Variants in TANC2 observed in about 807,000 individuals in gnomAD.
The protein encoded by TANC2 is tetratricopeptide repeat, ankyrin repeat and coiled-coil containing 2, also known as protein TANC2.
In TANC2, 26 loss-of-function variants were observed where a neutral mutation model predicts 210.5. The ratio of observed to expected loss-of-function variants is 0.12; its 90% CI spans 0.09 to 0.17. The LOEUF is 0.17. TANC2 is among the 10% of genes least tolerant of loss of function. The pLI is 1.00. For missense variants in TANC2, 2,129 were observed against 2,608.9 expected (o/e 0.82, Z 4.01); for synonymous variants, 931 against 967.1 (o/e 0.96, Z 0.69).
chr17:63,189,050 T>C (rs2041098023), intron 5 of TANC2, among the ~76,000 whole-genome samples: 3 of 152,250 alleles, frequency 2.0e-5, no homozygotes, highest in Admixed American at 2.0e-4. Flanking sequence ...CTTTTGTGTC[T>C]GATTTTCTTA....
chr17:63,175,869 A>T (rs2040562639), intron 5 of TANC2, among the ~76,000 whole-genome samples: 1 of 152,234 alleles, frequency 6.6e-6, no homozygotes, highest in African/African-American at 2.4e-5. Context: ...TTATTATGAC[A>T]ACTGAAGTTT....
chr17:63,202,634 T>C (rs2041572635), intron 7 of TANC2, among the ~76,000 whole-genome samples: 1 of 152,164 alleles, frequency 6.6e-6, no homozygotes, highest in Admixed American at 6.5e-5. Flanking sequence ...CTTATATTTA[T>C]ACATAGGTAG....
intron 5 of TANC2, chr17:63,152,345 CAT>C (rs2039681400): frequency 6.6e-6 from 1 of 151,988 alleles, no homozygotes; most frequent in Non-Finnish European, 1.5e-5. Flanking sequence ...CCAGATAGGA[CAT>C]AGTAAAACAA....
At chr17:63,022,861 C>T (rs1232442449) in intron 2 of TANC2, among the ~76,000 whole-genome samples, 6 of 152,192 alleles carry the variant, frequency 3.9e-5, no homozygotes, top group Admixed American at 6.5e-5. Flanking sequence ...CCAAAAGGTA[C>T]ATGCCATAGA....
intron 5 of TANC2, among the ~76,000 whole-genome samples, chr17:63,180,030 A>T (rs965935023): frequency 1.3e-5 from 2 of 150,572 alleles, no homozygotes; most frequent in African/African-American, 4.9e-5. Flanking sequence ...GGTACCAGCT[A>T]CTCAAGAGGC....
chr17:63,070,218 T>A (rs1224172953), intron 2 of TANC2, among the ~76,000 whole-genome samples: 2 of 152,142 alleles, frequency 1.3e-5, no homozygotes, highest in Non-Finnish European at 2.9e-5. Flanking sequence ...AACCATAAAC[T>A]TAAGGGGAAA....
intron 2 of TANC2, among the ~76,000 whole-genome samples, chr17:63,038,975 G>GT (rs769467888): frequency 1.3e-5 from 2 of 152,030 alleles, no homozygotes; most frequent in African/African-American, 2.4e-5. Flanking sequence ...TCTGTTTCTT[G>GT]TTTTATCTGT....
At chr17:63,164,495 G>A (rs559595310) in intron 5 of TANC2, among the ~76,000 whole-genome samples, 3 of 152,282 alleles carry the variant, frequency 2.0e-5, no homozygotes, top group African/African-American at 7.2e-5. Flanking sequence ...GAATGTATTA[G>A]TCAGGGTTCT....
intron 5 of TANC2, among the ~76,000 whole-genome samples, chr17:63,187,430 T>A (rs1020626395): frequency 6.6e-6 from 1 of 152,220 alleles, no homozygotes; most frequent in African/African-American, 2.4e-5. Context: ...TTAACTAGAC[T>A]ACAGACCTTA....
At chr17:63,066,378 G>A (rs778054777) in intron 2 of TANC2, among the ~76,000 whole-genome samples, 7 of 152,104 alleles carry the variant, frequency 4.6e-5, no homozygotes, top group Non-Finnish European at 7.4e-5. Context: ...TCTGGAGCAT[G>A]GGGCTGCAGG....
intron 14 of TANC2, among the ~76,000 whole-genome samples, chr17:63,356,365 A>G (rs1326880124): frequency 6.6e-6 from 1 of 152,210 alleles, no homozygotes; most frequent in African/African-American, 2.4e-5. Flanking sequence ...CACCAACAAC[A>G]TAGCTGGCAA....
intron 15 of TANC2, among the ~76,000 whole-genome samples, chr17:63,383,791 T>C (rs1264153659): frequency 1.3e-5 from 2 of 152,172 alleles, no homozygotes; most frequent in African/African-American, 4.8e-5. Flanking sequence ...CCAGACTAGT[T>C]TCCAAAGTGG....
intron 5 of TANC2, among the ~76,000 whole-genome samples, chr17:63,163,141 A>T (rs1318007685): frequency 1.3e-5 from 2 of 152,020 alleles, no homozygotes; most frequent in Non-Finnish European, 2.9e-5. Context: ...GGTGAAGGAC[A>T]GTGAACTTTT....
chr17:63,273,400 AAAT>A (rs565387548), intron 9 of TANC2, among the ~76,000 whole-genome samples: 21 of 152,322 alleles, frequency 1.4e-4, no homozygotes, highest in Non-Finnish European at 2.6e-4. Flanking sequence ...TAATGTTTTA[AAAT>A]AATAATAGGG....
chr17:63,314,495 C>T, exon 10 of TANC2: 1 of 1,613,878 alleles, frequency 6.2e-7, no homozygotes, highest in Non-Finnish European at 8.5e-7. Context: ...TTGGGTTTTC[C>T]ACGAAATAGA....
At chr17:63,345,833 G>C (rs538783338) in intron 12 of TANC2, among the ~76,000 whole-genome samples, 5 of 152,274 alleles carry the variant, frequency 3.3e-5, no homozygotes, top group Non-Finnish European at 5.9e-5. Context: ...GCTCAGGGAT[G>C]GGGGGCTGAT....
At position 63,318,219 on chromosome 17, in the gene TANC2, T is replaced by C. The variant is rs117632363; in HGVS notation, c.1442-738T>C. ...CTTCTAATATTTACTTTGGTATCTATTTTTAAAGTATGATCTTATTCATAA... is the reference window on the plus strand; with the variant it reads ...CTTCTAATATTTACTTTGGTATCTACTTTTAAAGTATGATCTTATTCATAA... On this transcript the variant is annotated intron_variant, in intron 10 of 27. Coordinates refer to ENST00000689528, the Ensembl canonical transcript of TANC2. Among the ~76,000 whole-genome samples, 1,036 of 152,364 alleles carry C rather than the reference T, an allele frequency of 6.8e-3. 8 individuals carry two copies. The highest frequency in any genetic ancestry group is 0.014 in the South Asian group (66 of 4,832).
At chr17:62,969,062 C>T (rs923571638) in intron 1 of TANC2, among the ~76,000 whole-genome samples, 2 of 151,682 alleles carry the variant, frequency 1.3e-5, no homozygotes, top group African/African-American at 4.8e-5. Flanking sequence ...TTTTTGCATC[C>T]CATGAATACT....
chr17:63,202,402 A>T (rs571440584), intron 7 of TANC2, among the ~76,000 whole-genome samples: 2 of 152,174 alleles, frequency 1.3e-5, no homozygotes. Context: ...CCAGATGATG[A>T]CAGTGTCATA....
Sources: allele counts gnomAD v4.1 joint callset (sites outside exome capture counted in the v4.1 genomes callset), GRCh38; gene constraint gnomAD v4.1.1; transcripts MANE v1.5; gene names NCBI Gene and HGNC (gene_info 2026-07-23, HGNC 2026-07-21).